Variants in CSMD3 observed in about 807,000 individuals in gnomAD.
The protein encoded by CSMD3 is CUB and Sushi multiple domains 3.
CSMD3 carries 177 observed loss-of-function variants against 435.2 expected under a neutral mutation model. That is an observed-to-expected ratio of 0.41 (90% CI 0.36 to 0.46). The LOEUF is 0.46. Ranked by LOEUF, CSMD3 falls within the 20% of genes least tolerant of loss-of-function variation. CSMD3 has a pLI of 0.34. For synonymous variants in CSMD3, 1,656 were observed against 1,520.5 expected (o/e 1.09, Z -2.07); for missense variants, 4,265 against 4,504.6 (o/e 0.95, Z 1.52).
intron 3 of CSMD3, among the ~76,000 whole-genome samples, chr8:113,231,995 C>CT (rs1458756837): frequency 1.3e-5 from 2 of 151,406 alleles, no homozygotes; most frequent in East Asian, 3.9e-4. Flanking sequence ...CTTTATAAGA[C>CT]TTTTTTTCAT....
At chr8:113,085,466 A>C (rs1428023340) in intron 5 of CSMD3, among the ~76,000 whole-genome samples, 2 of 152,172 alleles carry the variant, frequency 1.3e-5, no homozygotes, top group African/African-American at 4.8e-5. Context: ...TATCAAACAG[A>C]TATCTGCATC....
chr8:112,293,053 A>T (rs1343317982), intron 54 of CSMD3, among the ~76,000 whole-genome samples: 1 of 152,068 alleles, frequency 6.6e-6, no homozygotes, highest in Non-Finnish European at 1.5e-5. Context: ...ATGCAAAGAA[A>T]TCTGGGGAAT....
At chr8:113,088,084 G>A (rs1225936946) in intron 5 of CSMD3, among the ~76,000 whole-genome samples, 5 of 149,586 alleles carry the variant, frequency 3.3e-5, no homozygotes, top group East Asian at 2.0e-4. Flanking sequence ...GAAGACATTT[G>A]TGCAGCCAAA....
At chr8:112,234,592 A>G in intron 67 of CSMD3, 115 bp from the exon 68 acceptor site, 1 of 715,620 alleles carries the variant, frequency 1.4e-6, no homozygotes, top group South Asian at 1.6e-5. Flanking sequence ...AAAAAGAAAT[A>G]AAACAAGGGC....
At chr8:113,290,433 G>A (rs983195994) in intron 2 of CSMD3, among the ~76,000 whole-genome samples, 4 of 151,582 alleles carry the variant, frequency 2.6e-5, no homozygotes, top group Admixed American at 6.6e-5. Flanking sequence ...ACAAGTTACT[G>A]AGAATATAAC....
chr8:113,134,896 A>G (rs943841822), intron 4 of CSMD3, among the ~76,000 whole-genome samples: 3 of 152,026 alleles, frequency 2.0e-5, no homozygotes, highest in African/African-American at 7.2e-5. Context: ...TATGGCAGAG[A>G]AGCAAAAAGG....
intron 7 of CSMD3, among the ~76,000 whole-genome samples, chr8:112,962,995 C>G (rs2084287750): frequency 6.6e-6 from 1 of 151,920 alleles, no homozygotes; most frequent in Non-Finnish European, 1.5e-5. Context: ...GGTGATTCTT[C>G]CTAACATTTA....
intron 13 of CSMD3, among the ~76,000 whole-genome samples, chr8:112,760,536 C>T (rs949043695): frequency 5.3e-5 from 8 of 152,012 alleles, no homozygotes; most frequent in Non-Finnish European, 8.8e-5. Context: ...AAATGTAAAA[C>T]GTCCATTAAT....
intron 5 of CSMD3, among the ~76,000 whole-genome samples, chr8:113,067,742 A>T (rs2131389876): frequency 6.6e-6 from 1 of 152,224 alleles, no homozygotes; most frequent in African/African-American, 2.4e-5. Flanking sequence ...TACTTCTCAT[A>T]TGTTTTTTAT....
intron 32 of CSMD3, among the ~76,000 whole-genome samples, chr8:112,469,262 T>C (rs969009117): frequency 2.6e-5 from 4 of 152,066 alleles, no homozygotes; most frequent in Admixed American, 6.5e-5. Context: ...TGTTCTTACA[T>C]TGAAGGAATA....
Position 112,638,867 on chromosome 8 carries a change from C to T in CSMD3, c.3355G>A (p.Asp1119Asn), listed in dbSNP as rs1321134506. Residue 1119 changes from aspartate (D) to asparagine (N), a missense_variant, in exon 21 of 71, where the codon GAC (aspartate) becomes AAC (asparagine). Asp to Asn is a conservative substitution (Grantham distance 23). This residue lies in a region of CSMD3 where 3,255 missense variants were observed against 3,380.2 expected (regional missense o/e 0.96). Transcript: ENST00000297405. Reference protein sequence around the residue: ...FHTFHLEDHHDYLLITENGSF... With the variant: ...FHTFHLEDHHNYLLITENGSF... The stretch of plus-strand genomic sequence containing the variant: ...CCATTCTCTGTGATCAGTAAGTAGT[C>T]ATGATGGTCTTCCAAATGAAAAGTG... 1 of 1,613,282 alleles carries T rather than the reference C, an allele frequency of 6.2e-7. No individual in the cohort carries two copies. The highest frequency in any genetic ancestry group is 8.5e-7 in the Non-Finnish European group (1 of 1,179,530).
rs2076934009 is a variant in CSMD3 at position 112,724,982 on chromosome 8, G to A, written c.1973-34932C>T. Among the ~76,000 whole-genome samples, 4 of 152,032 alleles carry A rather than the reference G, an allele frequency of 2.6e-5. 1 individual carries two copies. ...AGAGAACATTTTTGACTTTGCCAAAGAAGTTTTGTTACCATAGTAGTGAAA... is the reference window on the plus strand; with the variant it reads ...AGAGAACATTTTTGACTTTGCCAAAAAAGTTTTGTTACCATAGTAGTGAAA... On this transcript the variant is annotated intron_variant, in intron 13 of 70. Coordinates refer to ENST00000297405, the MANE Select transcript of CSMD3 (RefSeq NM_198123.2).
intron 13 of CSMD3, among the ~76,000 whole-genome samples, chr8:112,703,962 C>T (rs995552300): frequency 2.6e-5 from 4 of 151,946 alleles, no homozygotes; most frequent in Admixed American, 6.6e-5. Flanking sequence ...TTTAAAATGC[C>T]TCAGATTGAG....
chr8:112,606,465 C>T (rs1408240851), intron 22 of CSMD3, among the ~76,000 whole-genome samples: 1 of 152,152 alleles, frequency 6.6e-6, no homozygotes, highest in African/African-American at 2.4e-5. Flanking sequence ...GTATGGGATG[C>T]TTTGCCTCCA....
intron 61 of CSMD3, among the ~76,000 whole-genome samples, chr8:112,261,764 C>G (rs182618265): frequency 1.1e-4 from 17 of 151,878 alleles, no homozygotes; most frequent in Non-Finnish European, 1.9e-4. Context: ...GTCAATTTAC[C>G]CACCCATCAT....
At chr8:113,425,182 T>A in intron 1 of CSMD3, among the ~76,000 whole-genome samples, 1 of 151,546 alleles carries the variant, frequency 6.6e-6, no homozygotes, top group East Asian at 1.9e-4. Flanking sequence ...CTGATCACTG[T>A]ATCCTTCACA....
intron 30 of CSMD3, among the ~76,000 whole-genome samples, chr8:112,496,634 T>A (rs1586518379): frequency 1.3e-5 from 2 of 152,090 alleles, no homozygotes; most frequent in Non-Finnish European, 2.9e-5. Flanking sequence ...TAAAAAAGAA[T>A]GAAATATTTG....
intron 5 of CSMD3, among the ~76,000 whole-genome samples, chr8:113,051,583 T>C (rs928007907): frequency 2.0e-5 from 3 of 152,170 alleles, no homozygotes; most frequent in African/African-American, 7.2e-5. Context: ...CAAACAGATA[T>C]TTGTTGACCA....
At chr8:112,287,867 T>C (rs965648041) in intron 57 of CSMD3, among the ~76,000 whole-genome samples, 28 of 152,078 alleles carry the variant, frequency 1.8e-4, no homozygotes, top group African/African-American at 6.8e-4. Context: ...CTGACTTAAG[T>C]TTCTGATAAG....
Sources: allele counts gnomAD v4.1 joint callset (sites outside exome capture counted in the v4.1 genomes callset), GRCh38; gene constraint gnomAD v4.1.1; regional missense constraint gnomAD v4.1.1; transcripts MANE v1.5; gene names NCBI Gene and HGNC (gene_info 2026-07-23, HGNC 2026-07-21).